The following PCID2 variants were observed in gnomAD, a reference collection of about 807,000 sequenced individuals.
The protein encoded by PCID2 is PCI domain containing 2.
PCID2 carries 41 observed loss-of-function variants against 61.3 expected under a neutral mutation model. That is an observed-to-expected ratio of 0.67 (90% CI 0.52 to 0.87). The LOEUF is 0.87. Among genes scored for constraint, PCID2 ranks in the 40% least tolerant of loss-of-function variants. The pLI is 0.00. For synonymous variants in PCID2, 187 were observed against 177.8 expected, an observed-to-expected ratio of 1.05 and a Z score of -0.41; for missense variants, 392 against 493.4, an observed-to-expected ratio of 0.79 and a Z score of 1.95.
chr13:113,166,762 C>T, the PCID2 span, among the ~76,000 whole-genome samples: 65 of 152,280 alleles, frequency 4.3e-4, 2 homozygotes, highest in Middle Eastern at 0.01. Context: ...CGCTGAGGGT[C>T]GGTACTTGGG....
downstream of PCID2, among the ~76,000 whole-genome samples, chr13:113,176,054 G>C (rs951585290): frequency 1.3e-5 from 2 of 152,270 alleles, no homozygotes; most frequent in African/African-American, 4.8e-5. Context: ...ACCTGCAGAT[G>C]TAGGAGCGAG....
intron 7 of PCID2, among the ~76,000 whole-genome samples, chr13:113,189,896 G>A (rs1000227104): frequency 2.0e-4 from 31 of 152,068 alleles, no homozygotes; most frequent in East Asian, 1.9e-4. Context: ...GGTGGCATGC[G>A]CCTGTAATCC....
rs1456029657 is a variant in PCID2, at chr13:113,179,964, G to A, written c.939C>T (p.Ile313=). The A allele has an allele frequency of 1.2e-6, 2 of 1,613,970 alleles. No individual in the cohort carries two copies. The highest frequency in any genetic ancestry group is 1.7e-6 in the Non-Finnish European group (2 of 1,179,896). Reference sequence around the variant, plus strand: ...AGGTGATGATCTTCAGCTTCTCCAGGATGAGGAAGATTCCGCAGCGAATGA... The same window carrying A: ...AGGTGATGATCTTCAGCTTCTCCAGAATGAGGAAGATTCCGCAGCGAATGA... ...AFFIRCGIFL[I]LEKLKIITYR... Residue 313 remains isoleucine, a synonymous_variant, in exon 12 of 14, where the codon ATC becomes ATT. Coordinates refer to ENST00000337344, the MANE Select transcript of PCID2 (RefSeq NM_001127202.4). The surrounding 1 kb of genome is among the most constrained non-coding windows in gnomAD (Gnocchi z 4.3).
At chr13:113,198,870 A>G (rs1212688892) in intron 2 of PCID2, among the ~76,000 whole-genome samples, 1 of 152,242 alleles carries the variant, frequency 6.6e-6, no homozygotes, top group East Asian at 1.9e-4. Flanking sequence ...TTGACCAGTC[A>G]GTCAAGAAAT....
chr13:113,198,631 G>T (rs188278420), intron 2 of PCID2, among the ~76,000 whole-genome samples: 40 of 152,310 alleles, frequency 2.6e-4, no homozygotes, highest in African/African-American at 8.7e-4. Flanking sequence ...CTTGAACATG[G>T]GTGGGGGAGG....
downstream of PCID2, among the ~76,000 whole-genome samples, chr13:113,173,900 C>T (rs1477744915): frequency 6.6e-6 from 1 of 152,128 alleles, no homozygotes; most frequent in African/African-American, 2.4e-5. Context: ...ACTTCTATTA[C>T]AAATTTGGAT....
chr13:113,195,195 G>T, intron 5 of PCID2, 70 bp from the exon 6 acceptor site: 1 of 911,650 alleles, frequency 1.1e-6, no homozygotes, highest in Non-Finnish European at 1.9e-6. Context: ...GAGGTGGGAA[G>T]AACACGGACA....
At chr13:113,178,675 C>A (rs1427850722) in intron 13 of PCID2, among the ~76,000 whole-genome samples, 2 of 152,158 alleles carry the variant, frequency 1.3e-5, no homozygotes, top group Non-Finnish European at 2.9e-5. Flanking sequence ...GCAAATACTA[C>A]GTCCTATCAG....
At chr13:113,175,282 G>A (rs947473810), downstream of PCID2, among the ~76,000 whole-genome samples, 7 of 152,108 alleles carry the variant, frequency 4.6e-5, no homozygotes, top group African/African-American at 7.2e-5. Flanking sequence ...TTCTTTCATC[G>A]CTAAGAATAA....
chr13:113,208,338 C>T (rs1402174799), intron 1 of PCID2: 3 of 1,432,090 alleles, frequency 2.1e-6, no homozygotes, highest in Non-Finnish European at 2.7e-6. Flanking sequence ...CTGGGACCGC[C>T]GCGTCTACTT....
the PCID2 span, chr13:113,165,994 A>G: frequency 7.2e-5 from 11 of 152,166 alleles, no homozygotes; most frequent in African/African-American, 1.9e-4. Context: ...TGCTTTCTGT[A>G]TATCTTCACA....
chr13:113,197,265 GCTGTCACACAATAAAAAC>G (rs1393710722), intron 3 of PCID2, 22 bp from the exon 4 acceptor site: 1 of 1,539,530 alleles, frequency 6.5e-7, no homozygotes, highest in East Asian at 2.2e-5. Context: ...ACAGAAACAT[GCTGTCACACAATAAAAAC>G]CTAGCACTAG....
At chr13:113,172,268 T>A in the PCID2 span, 20 of 947,614 alleles carry the variant, frequency 2.1e-5, no homozygotes, top group Non-Finnish European at 3.2e-5. Flanking sequence ...GTTTGCTGGG[T>A]TGTTTACCGA....
intron 6 of PCID2, among the ~76,000 whole-genome samples, chr13:113,193,448 G>T (rs114609290): frequency 0.017 from 2,606 of 152,304 alleles, 71 homozygotes; most frequent in African/African-American, 0.058. Context: ...CTGCAACAGA[G>T]TAAGTGCAGA....
At chr13:113,170,300 G>T in the PCID2 span, 2 of 664,612 alleles carry the variant, frequency 3.0e-6, no homozygotes, top group Middle Eastern at 3.9e-4. Context: ...TGCCTTTGGC[G>T]GGGGGTGGGG....
chr13:113,186,999 A>T (rs1289138449), intron 7 of PCID2: 1 of 152,224 alleles, frequency 6.6e-6, no homozygotes, highest in Non-Finnish European at 1.5e-5. Context: ...TTAAAATATC[A>T]AACCCTGTTT....
chr13:113,168,860 C>G, the PCID2 span, among the ~76,000 whole-genome samples: 1 of 152,154 alleles, frequency 6.6e-6, no homozygotes, highest in Non-Finnish European at 1.5e-5. Flanking sequence ...TCTTGAGTAG[C>G]TGGGACCATA....
chr13:113,171,662 G>C, the PCID2 span: 1 of 1,614,094 alleles, frequency 6.2e-7, no homozygotes, highest in Non-Finnish European at 8.5e-7. This position sits in a 1 kb window ranked among gnomAD's most constrained non-coding sequence, Gnocchi z 5.1. Flanking sequence ...CATGCGGTAT[G>C]ACGCGGACGC....
chr13:113,204,332 A>T (rs2039644617), intron 1 of PCID2, among the ~76,000 whole-genome samples: 1 of 152,258 alleles, frequency 6.6e-6, no homozygotes, highest in African/African-American at 2.4e-5. Flanking sequence ...TGAGAGTCCC[A>T]GACTTGGAGC....
Sources: gnomAD v4.1 joint callset for allele counts (sites outside exome capture counted in the v4.1 genomes callset) on GRCh38, gnomAD v4.1.1 for gene constraint, Gnocchi (gnomAD v3.1) non-coding constraint, MANE v1.5 for transcripts, NCBI Gene and HGNC (gene_info 2026-07-23, HGNC 2026-07-21) for gene names.